The following CNBD1 variants were observed in gnomAD, a reference collection of about 807,000 sequenced individuals.
CNBD1 encodes cyclic nucleotide binding domain containing 1, also known as cyclic nucleotide-binding domain-containing protein 1.
CNBD1 carries 71 observed loss-of-function variants against 54.4 expected under a neutral mutation model. That is an observed-to-expected ratio of 1.30 (90% CI 1.08 to 1.59). The LOEUF (loss-of-function observed/expected upper bound fraction) is 1.59, where lower values mean the gene tolerates loss of function less well. CNBD1 is among the 40% of genes most tolerant of loss of function. CNBD1 has a pLI of 0.00. For missense variants in CNBD1, 659 were observed against 518.0 expected (o/e 1.27, Z -2.64); for synonymous variants, 182 against 170.7 (o/e 1.07, Z -0.51).
rs181862548 is a variant in CNBD1, at chr8:86,944,984, T to A, written c.431+5230T>A. 1.0e-3 allele frequency among the ~76,000 whole-genome samples: 153 copies of A among 152,314 alleles called. No individual in the cohort carries two copies. In the Middle Eastern group the frequency reaches 0.017, roughly 17 times the overall value. ...AGTCCTTGAAGCAAATCAGGTTCAT[T>A]GCTCAGTTTGACCACTAACATGATG... is the stretch of plus-strand genomic sequence containing the variant. On this transcript the variant is annotated intron_variant, in intron 4 of 10. Coordinates refer to ENST00000518476, the MANE Select transcript of CNBD1 (RefSeq NM_173538.3).
At chr8:87,392,006 G>A (rs1262647327) in intron 2 of CNBD1, among the ~76,000 whole-genome samples, 1 of 152,020 alleles carries the variant, frequency 6.6e-6, no homozygotes, top group Non-Finnish European at 1.5e-5. Context: ...TGAAGGGCAG[G>A]AATGGGCCTT....
chr8:87,344,014 A>G (rs968188489), intron 8 of CNBD1, among the ~76,000 whole-genome samples: 1 of 152,122 alleles, frequency 6.6e-6, no homozygotes, highest in Non-Finnish European at 1.5e-5. Context: ...TGATTTGAGC[A>G]CTAGATAGTC....
chr8:87,121,799 T>C (rs1055308830), intron 4 of CNBD1, among the ~76,000 whole-genome samples: 6 of 151,798 alleles, frequency 4.0e-5, no homozygotes, highest in Non-Finnish European at 5.9e-5. Flanking sequence ...ATTTCATTTA[T>C]AATAATGTCT....
chr8:87,174,027 C>T (rs371064671), intron 4 of CNBD1, among the ~76,000 whole-genome samples: 5 of 152,026 alleles, frequency 3.3e-5, no homozygotes, highest in Non-Finnish European at 5.9e-5. Flanking sequence ...GGCACGATCT[C>T]GGCTCACTGC....
chr8:87,269,391 T>A (rs1808320828), intron 6 of CNBD1, among the ~76,000 whole-genome samples: 1 of 152,102 alleles, frequency 6.6e-6, no homozygotes, highest in Admixed American at 6.6e-5. Context: ...TTAAAATTTG[T>A]TTGGCAATTC....
chr8:87,274,974 T>A (rs1808443944), intron 6 of CNBD1, among the ~76,000 whole-genome samples: 1 of 134,072 alleles, frequency 7.5e-6, no homozygotes, highest in Non-Finnish European at 1.6e-5. Flanking sequence ...AGGGATCCAG[T>A]TTCAGCTTTC....
chr8:87,339,548 C>G (rs554601980), intron 8 of CNBD1, among the ~76,000 whole-genome samples: 1 of 152,022 alleles, frequency 6.6e-6, no homozygotes, highest in African/African-American at 2.4e-5. Flanking sequence ...CAGCATTTTG[C>G]TTGTTATTAA....
intron 4 of CNBD1, among the ~76,000 whole-genome samples, chr8:87,066,160 G>T (rs1810649635): frequency 6.6e-6 from 1 of 151,924 alleles, no homozygotes; most frequent in African/African-American, 2.4e-5. Flanking sequence ...GAATGCCAGT[G>T]TATCAATGTA....
chr8:87,095,721 G>A (rs373067299), intron 4 of CNBD1, among the ~76,000 whole-genome samples: 6 of 152,036 alleles, frequency 3.9e-5, no homozygotes, highest in East Asian at 1.9e-4. Flanking sequence ...GCCGTGGCAC[G>A]ATCTCGGCTC....
intron 8 of CNBD1, among the ~76,000 whole-genome samples, chr8:87,316,543 TA>T (rs1809392045): frequency 6.6e-6 from 1 of 151,986 alleles, no homozygotes. Flanking sequence ...AGTGTGTGTC[TA>T]AAAGTTTATA....
Position 87,377,157 on chromosome 8 carries a change from A to T in CNBD1, c.1304-5463A>T, listed in dbSNP as rs550611919. 4.0e-3 allele frequency among the ~76,000 whole-genome samples: 568 copies of T among 140,374 alleles called. 8 individuals are homozygous for T. Among genetic ancestry groups the T allele is most frequent in the African/African-American group, 0.015 (533 of 35,576 alleles). The allele number at this position is 140,374 out of a possible 152,430, so 92.1% of individuals were successfully genotyped here. A position where few individuals can be genotyped will look rare whatever the true frequency, so the allele number is the denominator to read the frequency against. ...ATTTATTTTTTTATGATTATTATTT[A>T]TATTATTATTATACTTTAAGTTTTA... On this transcript the variant is annotated intron_variant, in intron 10 of 10. Transcript: ENST00000518476.
chr8:86,884,131 G>A (rs1196031419), intron 1 of CNBD1, among the ~76,000 whole-genome samples: 3 of 150,134 alleles, frequency 2.0e-5, no homozygotes, highest in Non-Finnish European at 4.4e-5. Flanking sequence ...CAGCCTGGGC[G>A]ACAGAGCGAG....
At chr8:86,964,640 CCA>C (rs1399618816) in intron 4 of CNBD1, among the ~76,000 whole-genome samples, 4 of 152,196 alleles carry the variant, frequency 2.6e-5, no homozygotes, top group Non-Finnish European at 4.4e-5. Context: ...ACCGTGTTTA[CCA>C]CACATCTGTT....
chr8:87,057,237 G>T (rs1810434897), intron 4 of CNBD1, among the ~76,000 whole-genome samples: 1 of 152,114 alleles, frequency 6.6e-6, no homozygotes, highest in Non-Finnish European at 1.5e-5. Flanking sequence ...GGCGGGGGAG[G>T]CCTCAGGAAA....
chr8:87,050,441 A>G (rs1349311153), intron 4 of CNBD1, among the ~76,000 whole-genome samples: 2 of 152,192 alleles, frequency 1.3e-5, no homozygotes, highest in South Asian at 2.1e-4. Flanking sequence ...AGTGGAGAAT[A>G]TCATCAGCAT....
At chr8:87,066,469 C>A (rs918010582) in intron 4 of CNBD1, among the ~76,000 whole-genome samples, 3 of 151,912 alleles carry the variant, frequency 2.0e-5, no homozygotes, top group Admixed American at 1.3e-4. Context: ...TAGCCAACCC[C>A]TTTTTAAATC....
intron 4 of CNBD1, among the ~76,000 whole-genome samples, chr8:87,016,974 G>A (rs1333945921): frequency 6.6e-6 from 1 of 152,162 alleles, no homozygotes; most frequent in Non-Finnish European, 1.5e-5. Context: ...CCCACGTCAT[G>A]GTAAATGTGG....
chr8:87,021,222 A>G (rs1375772999), intron 4 of CNBD1, among the ~76,000 whole-genome samples: 3 of 152,246 alleles, frequency 2.0e-5, no homozygotes, highest in African/African-American at 7.2e-5. Flanking sequence ...TTGGTTCAGA[A>G]TAAATCTCTT....
chr8:87,115,517 G>A (rs1811749973), intron 4 of CNBD1, among the ~76,000 whole-genome samples: 1 of 152,110 alleles, frequency 6.6e-6, no homozygotes, highest in Non-Finnish European at 1.5e-5. Flanking sequence ...TCATCCAAAA[G>A]AATAGTGCAA....
Sources: gnomAD v4.1 joint callset for allele counts (sites outside exome capture counted in the v4.1 genomes callset) on GRCh38, gnomAD v4.1.1 for gene constraint, MANE v1.5 for transcripts, NCBI Gene and HGNC (gene_info 2026-07-23, HGNC 2026-07-21) for gene names.